PCNX2: variants seen among roughly 807,000 people sequenced by gnomAD.
PCNX2 encodes pecanex-like protein 2.
A neutral mutation model predicts 223.8 loss-of-function variants in PCNX2; 168 were observed. The ratio of observed to expected loss-of-function variants is 0.75; its 90% CI spans 0.66 to 0.85. PCNX2 has a LOEUF of 0.85. Among genes scored for constraint, PCNX2 ranks in the 40% least tolerant of loss-of-function variants. The pLI is 0.00. For synonymous variants in PCNX2, 1,006 were observed against 1,052.6 expected (o/e 0.96, Z 0.86); for missense variants, 2,507 against 2,675.5 (o/e 0.94, Z 1.39).
In PCNX2 at chr1:233,106,347, CT is replaced by C. The variant is rs912803573; in HGVS notation, c.3838-10485del. 1.0e-2 allele frequency among the ~76,000 whole-genome samples: 1,153 copies of C among 115,684 alleles called. 3 individuals carry two copies. The highest frequency in any genetic ancestry group is 0.03 in the African/African-American group (880 of 29,420). The allele number at this position is 115,684 out of a possible 152,430, so 75.9% of individuals were successfully genotyped here. A position where few individuals can be genotyped will look rare whatever the true frequency, so the allele number is the denominator to read the frequency against. On this transcript the variant is annotated intron_variant, in intron 21 of 33. Coordinates refer to ENST00000258229, the MANE Select transcript of PCNX2 (RefSeq NM_014801.4). Reference sequence around the variant, plus strand: ...CTGTTGGGGGCTTCCTCTCCTCCCTCTTTTTTTTTTTTTTTTTTTTTTTGAG... The same window carrying C: ...CTGTTGGGGGCTTCCTCTCCTCCCTCTTTTTTTTTTTTTTTTTTTTTTGAG...
intron 5 of PCNX2, among the ~76,000 whole-genome samples, 186 bp from the exon 6 acceptor site, chr1:233,252,974 C>T (rs1659545231): frequency 6.6e-6 from 1 of 152,106 alleles, no homozygotes; most frequent in African/African-American, 2.4e-5. Context: ...ATGTGAAAAA[C>T]AGAAGTATGT....
chr1:233,119,125 TG>T (rs1467050358), intron 21 of PCNX2, among the ~76,000 whole-genome samples: 1 of 151,998 alleles, frequency 6.6e-6, no homozygotes, highest in Non-Finnish European at 1.5e-5. Context: ...TTTCAACAAA[TG>T]GTGCTGGAAT....
At chr1:233,154,089 T>A (rs1190691367) in intron 19 of PCNX2, among the ~76,000 whole-genome samples, 1 of 152,186 alleles carries the variant, frequency 6.6e-6, no homozygotes, top group East Asian at 1.9e-4. Flanking sequence ...TGTTTTGTTT[T>A]ATTTTTTGAG....
At chr1:233,025,088 G>C (rs1246442315) in intron 26 of PCNX2, 58 bp downstream of exon 26, 1 of 1,590,960 alleles carries the variant, frequency 6.3e-7, no homozygotes, top group East Asian at 2.3e-5. Context: ...AGCTCTTTCG[G>C]AGCTTCCTGT....
At chr1:233,032,938 A>G (rs1482253947) in intron 25 of PCNX2, 5 of 955,632 alleles carry the variant, frequency 5.2e-6, no homozygotes, top group Admixed American at 6.2e-5. Flanking sequence ...TATGAAAATA[A>G]TAAAACCCAG....
intron 21 of PCNX2, among the ~76,000 whole-genome samples, chr1:233,116,968 G>C (rs1040635064): frequency 1.3e-5 from 2 of 152,092 alleles, no homozygotes; most frequent in African/African-American, 4.8e-5. Context: ...AGGAAACTGC[G>C]TATGTAGAAA....
At chr1:232,995,108 C>G (rs1287399753) in intron 32 of PCNX2, among the ~76,000 whole-genome samples, 3 of 152,154 alleles carry the variant, frequency 2.0e-5, no homozygotes, top group African/African-American at 7.2e-5. Flanking sequence ...TAGAGTAGAA[C>G]CTGAGAACTG....
At chr1:233,208,478 A>C in intron 13 of PCNX2, 40 bp downstream of exon 13, 1 of 1,558,706 alleles carries the variant, frequency 6.4e-7, no homozygotes, top group Non-Finnish European at 8.8e-7. Flanking sequence ...ACATACCCCC[A>C]ACCCCCATAT....
chr1:232,995,794 T>C (rs1247072230), intron 32 of PCNX2, among the ~76,000 whole-genome samples: 4 of 151,884 alleles, frequency 2.6e-5, no homozygotes, highest in African/African-American at 7.3e-5. Context: ...CTCCAGGGAG[T>C]GGAAGGAACA....
At chr1:233,069,277 A>G (rs566239515) in intron 23 of PCNX2, among the ~76,000 whole-genome samples, 1 of 152,298 alleles carries the variant, frequency 6.6e-6, no homozygotes, top group Non-Finnish European at 1.5e-5. Context: ...TTAAACACCC[A>G]TGTCTTAACA....
chr1:233,101,951 C>T (rs1208981649), intron 21 of PCNX2, among the ~76,000 whole-genome samples: 3 of 152,156 alleles, frequency 2.0e-5, no homozygotes, highest in Non-Finnish European at 4.4e-5. Flanking sequence ...ACCTCAAGTC[C>T]TCATAATACA....
chr1:233,015,095 G>GAGA (rs1670603852), intron 27 of PCNX2, among the ~76,000 whole-genome samples: 1 of 152,142 alleles, frequency 6.6e-6, no homozygotes, highest in Admixed American at 6.5e-5. Flanking sequence ...CAGTCAAATG[G>GAGA]GTGCCCACCT....
chr1:233,214,079 G>A (rs186600859), intron 12 of PCNX2, among the ~76,000 whole-genome samples: 104 of 151,534 alleles, frequency 6.9e-4, no homozygotes, highest in African/African-American at 1.8e-3. Context: ...CACCCTCCTC[G>A]GCCTCCCAAA....
At chr1:233,198,825 G>A in intron 15 of PCNX2, 114 bp downstream of exon 15, 1 of 1,061,836 alleles carries the variant, frequency 9.4e-7, no homozygotes, top group East Asian at 2.7e-5. Context: ...GTCACTCCCT[G>A]ATTTGCACAG....
the PCNX2 span, among the ~76,000 whole-genome samples, chr1:233,314,675 C>T: frequency 6.6e-6 from 1 of 151,906 alleles, no homozygotes; most frequent in Admixed American, 6.6e-5. Context: ...GGCTCAAAAC[C>T]ATAATTTGTC....
Position 232,999,286 on chromosome 1 carries a change from T to A in PCNX2, c.5422A>T (p.Asn1808Tyr). Residue 1808 changes from asparagine to tyrosine, a missense_variant, in exon 31 of 34, where the codon AAC becomes TAC. Coordinates refer to ENST00000258229, the MANE Select transcript of PCNX2 (RefSeq NM_014801.4). ...NRNPERGSIQ[N>Y]NKQVLRNLIN... ...AAGTTCCGCAGGACCTGCTTATTGT[T>A]CTGGATACTGCCGCGCTCCGGATTG... is the stretch of plus-strand genomic sequence containing the variant. 1 of 1,612,394 alleles carries A rather than the reference T, an allele frequency of 6.2e-7. No individual in the cohort carries two copies. Among genetic ancestry groups the A allele is most frequent in the East Asian group, 2.2e-5 (1 of 44,830 alleles).
At position 233,251,212 on chromosome 1, in the gene PCNX2, G is replaced by A. The variant is rs115837721; in HGVS notation, c.2129-380C>T. Among the ~76,000 whole-genome samples the A allele has an allele frequency of 1.6e-3, 236 of 152,214 alleles. 2 individuals carry two copies. Among genetic ancestry groups the A allele is most frequent in the African/African-American group, 5.6e-3 (231 of 41,540 alleles). Reference sequence around the variant, plus strand: ...GATATAACCAGATTTTTTGGTATACGAATACCTCAGTATCATGTGCAAAAA... The same window carrying A: ...GATATAACCAGATTTTTTGGTATACAAATACCTCAGTATCATGTGCAAAAA... On this transcript the variant is annotated intron_variant, in intron 7 of 33. Transcript: ENST00000258229.
intron 21 of PCNX2, among the ~76,000 whole-genome samples, chr1:233,102,797 T>C (rs1352738215): frequency 6.6e-6 from 1 of 152,162 alleles, no homozygotes; most frequent in Admixed American, 6.5e-5. Flanking sequence ...TAAATATTTC[T>C]CTCCCATTTT....
chr1:233,323,459 G>T, the PCNX2 span, among the ~76,000 whole-genome samples: 1 of 152,166 alleles, frequency 6.6e-6, no homozygotes, highest in Admixed American at 6.5e-5. Flanking sequence ...CAAATTGAAG[G>T]TGTGTGGCAA....
Sources: gnomAD v4.1 joint callset for allele counts (sites outside exome capture counted in the v4.1 genomes callset) on GRCh38, gnomAD v4.1.1 for gene constraint, MANE v1.5 for transcripts, NCBI Gene and HGNC (gene_info 2026-07-23, HGNC 2026-07-21) for gene names.